UQCRC2: variants seen among roughly 807,000 people sequenced by gnomAD.
UQCRC2 encodes ubiquinol-cytochrome c reductase core protein 2.
A neutral mutation model predicts 55.6 loss-of-function variants in UQCRC2; 49 were observed. The ratio of observed to expected loss-of-function variants is 0.88; its 90% CI spans 0.70 to 1.12. The LOEUF is 1.12. Among genes scored for constraint, UQCRC2 ranks in the 50% most tolerant of loss-of-function variants. UQCRC2 has a pLI of 0.00. For synonymous variants in UQCRC2, 193 were observed against 192.0 expected (o/e 1.01, Z -0.04); for missense variants, 506 against 547.8 (o/e 0.92, Z 0.76).
chr16:21,956,499 G>A (rs989769733), intron 1 of UQCRC2, among the ~76,000 whole-genome samples: 2 of 152,186 alleles, frequency 1.3e-5, no homozygotes, highest in Non-Finnish European at 2.9e-5. Context: ...ACCCGAGATC[G>A]CACTGTTGCA....
chr16:21,981,624 A>G (rs1291659160), intron 13 of UQCRC2, among the ~76,000 whole-genome samples: 1 of 151,688 alleles, frequency 6.6e-6, no homozygotes, highest in Non-Finnish European at 1.5e-5. Flanking sequence ...GCTTGGTGGC[A>G]TGCGCCTGTA....
rs375601990 is a variant in UQCRC2, at chr16:21,982,130, G to A, written c.1279-958G>A. On this transcript the variant is annotated intron_variant, in intron 13 of 13. Coordinates refer to ENST00000268379, the MANE Select transcript of UQCRC2 (RefSeq NM_003366.4). ...GCTGGGATTACAGGTGTGAATCAACGCGCCCAGCCCATTTGGTACTCTTTT... is the reference window on the plus strand; with the variant it reads ...GCTGGGATTACAGGTGTGAATCAACACGCCCAGCCCATTTGGTACTCTTTT... Among the ~76,000 whole-genome samples, 7 of 151,900 alleles carry A rather than the reference G, an allele frequency of 4.6e-5. No homozygotes were observed. In the East Asian group the frequency reaches 9.7e-4, roughly 21 times the overall value.
chr16:21,955,069 A>AC (rs1318107765), intron 1 of UQCRC2, among the ~76,000 whole-genome samples: 1 of 151,582 alleles, frequency 6.6e-6, no homozygotes, highest in East Asian at 1.9e-4. Context: ...AAAAAAAAAA[A>AC]AAAAAATTAC....
chr16:21,962,791 C>G lies in UQCRC2; in HGVS notation c.420C>G (p.Val140=), dbSNP rs147128094. Residue 140 remains valine, a synonymous_variant, in exon 6 of 14, where the codon GTC becomes GTG. Coordinates refer to ENST00000268379, the MANE Select transcript of UQCRC2 (RefSeq NM_003366.4). ...TTCTAATGGAGTTCCTGCTCAATGT[C>G]ACCACAGCACCAGAATTTCGTCGTT... ...VDILMEFLLN[V]TTAPEFRRWE... is the part of the protein sequence containing the mutation. The G allele has an allele frequency of 1.4e-4, 228 of 1,614,082 alleles. 2 individuals carry two copies. Among genetic ancestry groups the G allele is most frequent in the Middle Eastern group, 1.3e-3 (8 of 6,050 alleles).
rs998013478 is a variant in UQCRC2, at chr16:21,983,601, T to A, written c.*430T>A. 5.0e-6 allele frequency: 1 copy of A among 199,466 alleles called. No homozygotes were observed. The highest frequency in any genetic ancestry group is 2.3e-5 in the African/African-American group (1 of 43,388). 12.4% of individuals were successfully genotyped at this position (199,466 alleles called of 1,614,324 possible). A position where few individuals can be genotyped will look rare whatever the true frequency, so the allele number is the denominator to read the frequency against. ...AGCTAAATGGTCTGGTTTTTACCCC[T>A]GTTTTGCCTTTTTTGCAATAAAATT... On this transcript the variant is annotated 3_prime_UTR_variant, in exon 14 of 14. Coordinates refer to ENST00000268379, the MANE Select transcript of UQCRC2 (RefSeq NM_003366.4).
chr16:21,972,229 C>A, intron 10 of UQCRC2, 107 bp downstream of exon 10: 2 of 1,396,274 alleles, frequency 1.4e-6, no homozygotes. Context: ...CACAGAAAAT[C>A]TTTGTACAAT....
intron 4 of UQCRC2, 124 bp downstream of exon 4, chr16:21,958,723 G>A: frequency 1.3e-6 from 1 of 795,866 alleles, no homozygotes; most frequent in South Asian, 1.7e-5. Context: ...AAAGACTGAT[G>A]AATTTGAGTA....
Position 21,981,403 on chromosome 16 carries a change from T to G in UQCRC2, c.1278+703T>G, listed in dbSNP as rs1898723552. On this transcript the variant is annotated intron_variant, in intron 13 of 13. Coordinates refer to ENST00000268379, the MANE Select transcript of UQCRC2 (RefSeq NM_003366.4). ...CAACTTGCTTTCTACTGTAGATGTCTCGGCCATCTTCTCACCAACAGGTCT... is the reference window on the plus strand; with the variant it reads ...CAACTTGCTTTCTACTGTAGATGTCGCGGCCATCTTCTCACCAACAGGTCT... Among the ~76,000 whole-genome samples the G allele has an allele frequency of 2.0e-5, 3 of 152,156 alleles. 1 individual carries two copies.
At chr16:21,979,453 T>C (rs1898662928) in intron 12 of UQCRC2, among the ~76,000 whole-genome samples, 1 of 152,224 alleles carries the variant, frequency 6.6e-6, no homozygotes, top group Admixed American at 6.5e-5. Context: ...TGGTATAGCC[T>C]ACTACACACA....
chr16:21,965,314 C>T (rs1252336884), intron 6 of UQCRC2, 94 bp from the exon 7 acceptor site: 1 of 1,223,544 alleles, frequency 8.2e-7, no homozygotes, highest in African/African-American at 1.5e-5. Context: ...CAGAAGATGA[C>T]CAAATTTGTA....
rs1379843799 is a variant in UQCRC2 at position 21,980,284 on chromosome 16, A to G, written c.1125-263A>G. 22 of 403,332 alleles carry G rather than the reference A, an allele frequency of 5.5e-5. 1 individual carries two copies. The South Asian group carries it at 7.3e-4, about 13-fold the overall frequency. 25.0% of individuals were successfully genotyped at this position (403,332 alleles called of 1,614,324 possible). A position where few individuals can be genotyped will look rare whatever the true frequency, so the allele number is the denominator to read the frequency against. ...GTCTCACTCAAATCTGTAGCAGCATATGGACCCACAAATGGAGGCCAAAGT... is the reference window on the plus strand; with the variant it reads ...GTCTCACTCAAATCTGTAGCAGCATGTGGACCCACAAATGGAGGCCAAAGT... On this transcript the variant is annotated intron_variant, in intron 12 of 13. Coordinates refer to ENST00000268379, the MANE Select transcript of UQCRC2 (RefSeq NM_003366.4).
chr16:21,975,830 C>A (rs1213619806), intron 11 of UQCRC2, among the ~76,000 whole-genome samples: 2 of 152,122 alleles, frequency 1.3e-5, no homozygotes. Flanking sequence ...GTGGCTCACA[C>A]CTATAATCCC....
intron 1 of UQCRC2, among the ~76,000 whole-genome samples, chr16:21,956,898 A>G (rs1898094579): frequency 6.6e-6 from 1 of 152,026 alleles, no homozygotes; most frequent in Non-Finnish European, 1.5e-5. Flanking sequence ...CCCCATCTCT[A>G]CTAAAAAATA....
rs769402734 is a variant in UQCRC2 at position 21,971,963 on chromosome 16, T to C, written c.807T>C (p.Ala269=). The C allele has an allele frequency of 6.2e-7, 1 of 1,614,204 alleles. No individual in the cohort carries two copies. The highest frequency in any genetic ancestry group is 1.7e-5 in the Admixed American group (1 of 60,018). Residue 269 remains alanine (A), a synonymous_variant, in exon 10 of 14, where the codon GCT becomes GCC. Transcript: ENST00000268379. ...REQNGDSLVH[A]AFVAESAVAG... is the part of the protein sequence containing the mutation. ...AGAATGGAGACAGTCTTGTCCATGC[T>C]GCTTTTGTAGCAGAAAGTGCTGTCG...
At position 21,983,080 on chromosome 16, in the gene UQCRC2, C is replaced by T. The variant is rs771748561; in HGVS notation, c.1279-8C>T. On this transcript the variant is annotated splice_region_variant and splice_polypyrimidine_tract_variant and intron_variant, in intron 13 of 13. Coordinates refer to ENST00000268379, the MANE Select transcript of UQCRC2 (RefSeq NM_003366.4). The stretch of plus-strand genomic sequence containing the variant: ...TGTTAATTTTGTCTTTTGTTTGTTT[C>T]TTTAAAGGCGGCAAAGAAGTTTGTT... The T allele has an allele frequency of 6.2e-7, 1 of 1,607,580 alleles. No individual in the cohort carries two copies. Among genetic ancestry groups the T allele is most frequent in the Non-Finnish European group, 8.5e-7 (1 of 1,177,806 alleles).
intron 10 of UQCRC2, among the ~76,000 whole-genome samples, chr16:21,973,607 G>T (rs1567477333): frequency 6.6e-6 from 1 of 152,148 alleles, no homozygotes; most frequent in Non-Finnish European, 1.5e-5. Context: ...TTGCAGATTA[G>T]TGTTTGCATA....
intron 12 of UQCRC2, among the ~76,000 whole-genome samples, chr16:21,978,395 C>T (rs117675785): frequency 0.012 from 1,858 of 152,292 alleles, 17 homozygotes; most frequent in Non-Finnish European, 0.02. Flanking sequence ...TTATCAAACA[C>T]CATGTCTATA....
intron 4 of UQCRC2, among the ~76,000 whole-genome samples, chr16:21,960,477 T>G (rs1898175145): frequency 6.6e-6 from 1 of 152,216 alleles, no homozygotes; most frequent in Admixed American, 6.5e-5. Flanking sequence ...AACTCTGTAT[T>G]ATCAGCAATA....
At position 21,980,588 on chromosome 16, in the gene UQCRC2, C is replaced by T. The variant is rs1898698550; in HGVS notation, c.1166C>T (p.Ser389Phe). The T allele has an allele frequency of 1.9e-6, 3 of 1,614,042 alleles. No individual in the cohort carries two copies. Among genetic ancestry groups the T allele is most frequent in the Non-Finnish European group, 2.5e-6 (3 of 1,180,034 alleles). The stretch of plus-strand genomic sequence containing the variant: ...GGATACCTAATGTCAGTGGAGTCTT[C>T]TGAGTGTTTCCTGGAAGAAGTCGGG... ...KAGYLMSVES[S>F]ECFLEEVGSQ... Residue 389 changes from serine to phenylalanine, a missense_variant, in exon 13 of 14, where the codon TCT (serine) becomes TTT (phenylalanine). Physicochemically the swap from Ser to Phe is radical, Grantham distance 155 (BLOSUM62 -2). Coordinates refer to ENST00000268379, the MANE Select transcript of UQCRC2 (RefSeq NM_003366.4).
Sources: allele counts gnomAD v4.1 joint callset (sites outside exome capture counted in the v4.1 genomes callset), GRCh38; gene constraint gnomAD v4.1.1; transcripts MANE v1.5; gene names NCBI Gene and HGNC (gene_info 2026-07-23, HGNC 2026-07-21).